TRAPPC6A: variants seen among roughly 807,000 people sequenced by gnomAD.
TRAPPC6A encodes TRAPP complex subunit 6A.
In TRAPPC6A, 25 loss-of-function variants were observed where a neutral mutation model predicts 20.8. That is an observed-to-expected ratio of 1.20 (90% CI 0.88 to 1.68). The LOEUF is 1.68. TRAPPC6A is among the 40% of genes most tolerant of loss of function. TRAPPC6A has a pLI of 0.00. For synonymous variants in TRAPPC6A, 96 were observed against 93.3 expected (o/e 1.03, Z -0.16); for missense variants, 215 against 211.6 (o/e 1.02, Z -0.10).
At chr19:45,176,760 G>A (rs922315980) in intron 1 of TRAPPC6A, among the ~76,000 whole-genome samples, 3 of 152,072 alleles carry the variant, frequency 2.0e-5, no homozygotes, top group East Asian at 3.9e-4. Context: ...ATGGCCAGGT[G>A]CGGTGGCTCA....
At position 45,173,533 on chromosome 19, in the gene TRAPPC6A, G is replaced by A. The variant is rs1012964428; in HGVS notation, c.84+4602C>T. Among the ~76,000 whole-genome samples the A allele has an allele frequency of 6.6e-6, 1 of 152,156 alleles. No individual in the cohort carries two copies. Among genetic ancestry groups the A allele is most frequent in the South Asian group, 2.1e-4 (1 of 4,830 alleles). ...CCTTTGAGTCTTGCTGAACCACCTC[G>A]AAATCCCTTCCTCTACCAAGCACAG... On this transcript the variant is annotated intron_variant, in intron 1 of 5. Coordinates refer to ENST00000585934, the MANE Select transcript of TRAPPC6A (RefSeq NM_001270891.2). This position sits in a 1 kb window ranked among gnomAD's most constrained non-coding sequence, Gnocchi z 4.8.
chr19:45,176,638 A>G (rs2122864835), intron 1 of TRAPPC6A, among the ~76,000 whole-genome samples: 1 of 152,152 alleles, frequency 6.6e-6, no homozygotes, highest in South Asian at 2.1e-4. Context: ...TTGATTTATG[A>G]TGTTTTAAAC....
At chr19:45,167,271 G>A (rs1452286762) in intron 1 of TRAPPC6A, among the ~76,000 whole-genome samples, 1 of 152,120 alleles carries the variant, frequency 6.6e-6, no homozygotes, top group African/African-American at 2.4e-5. Flanking sequence ...TGGAAACTAT[G>A]GCTTTAAGCA....
At chr19:45,164,342 G>C (rs1969094615) in intron 3 of TRAPPC6A, 95 bp from the exon 4 acceptor site, 1 of 813,110 alleles carries the variant, frequency 1.2e-6, no homozygotes, top group African/African-American at 1.7e-5. Context: ...ATTGGGCTGA[G>C]GTTGGGAAGG....
rs1331376609 is a variant in TRAPPC6A at position 45,172,988 on chromosome 19, G to A, written c.84+5147C>T. On this transcript the variant is annotated intron_variant, in intron 1 of 5. Transcript: ENST00000585934. This position sits in a 1 kb window ranked among gnomAD's most constrained non-coding sequence, Gnocchi z 4.2. ...CAGGGACCTATCTGACAGCCGCTCC[G>A]CCCGCCCCACACCCTCCTCAGATAA... Among the ~76,000 whole-genome samples the A allele has an allele frequency of 2.6e-5, 4 of 151,448 alleles. No individual in the cohort carries two copies. The highest frequency in any genetic ancestry group is 4.9e-5 in the African/African-American group (2 of 40,820).
chr19:45,169,058 C>G (rs1357194633), intron 1 of TRAPPC6A, among the ~76,000 whole-genome samples: 3 of 152,228 alleles, frequency 2.0e-5, no homozygotes, highest in African/African-American at 7.2e-5. Flanking sequence ...TCAGGCACAG[C>G]AGGGCCGGCC....
intron 4 of TRAPPC6A, 25 bp from the exon 5 acceptor site, chr19:45,164,034 T>C: frequency 1.3e-6 from 2 of 1,561,800 alleles, no homozygotes; most frequent in Non-Finnish European, 1.7e-6. Flanking sequence ...CAGACCAGCA[T>C]GGGAAGAGAG....
At chr19:45,167,640 G>A (rs1249723231) in intron 1 of TRAPPC6A, among the ~76,000 whole-genome samples, 3 of 152,160 alleles carry the variant, frequency 2.0e-5, no homozygotes, top group African/African-American at 7.2e-5. Context: ...GAGCCACCAC[G>A]CCCGGTTAAT....
chr19:45,165,676 T>G (rs889278443), intron 1 of TRAPPC6A, among the ~76,000 whole-genome samples: 3 of 152,108 alleles, frequency 2.0e-5, no homozygotes, highest in Non-Finnish European at 4.4e-5. Flanking sequence ...TCATCATGCC[T>G]TATAATATTG....
At position 45,163,453 on chromosome 19, in the gene TRAPPC6A, T is replaced by C. The variant is rs373394799; in HGVS notation, c.449-230A>G. ...CCGGCACGGGCTTCTGTGGTATGCA[T>C]TGCTCGGTCCTACCCCACGGGGGCC... On this transcript the variant is annotated intron_variant, in intron 5 of 5. Coordinates refer to ENST00000585934, the MANE Select transcript of TRAPPC6A (RefSeq NM_001270891.2). This position sits in a 1 kb window ranked among gnomAD's most constrained non-coding sequence, Gnocchi z 5.3. Among the ~76,000 whole-genome samples the C allele has an allele frequency of 4.6e-5, 7 of 152,180 alleles. No individual in the cohort carries two copies. In the South Asian group the frequency reaches 1.0e-3, roughly 23 times the overall value.
intron 1 of TRAPPC6A, among the ~76,000 whole-genome samples, chr19:45,171,299 C>CTCAAAGCAAA (rs1555749991): frequency 6.7e-6 from 1 of 149,836 alleles, no homozygotes. Flanking sequence ...GAGACTCAGT[C>CTCAAAGCAAA]ACAAAACAAA....
chr19:45,173,088 G>A lies in TRAPPC6A; in HGVS notation c.84+5047C>T, dbSNP rs1027714359. Among the ~76,000 whole-genome samples the A allele has an allele frequency of 2.6e-5, 4 of 151,668 alleles. No homozygotes were observed. The highest frequency in any genetic ancestry group is 4.4e-5 in the Non-Finnish European group (3 of 68,020). On this transcript the variant is annotated intron_variant, in intron 1 of 5. Transcript: ENST00000585934. The surrounding 1 kb of genome is among the most constrained non-coding windows in gnomAD (Gnocchi z 4.8). ...AGCAGGGCTATTCTCGGGGCGCCTC[G>A]GGCCTGGTCTCAGACAATGGGTGAC... is the stretch of plus-strand genomic sequence containing the variant.
At chr19:45,177,809 G>A (rs991970194) in intron 1 of TRAPPC6A, among the ~76,000 whole-genome samples, 3 of 152,152 alleles carry the variant, frequency 2.0e-5, no homozygotes, top group South Asian at 4.1e-4. Context: ...GACACACAAA[G>A]ATTAAGTCAT....
intron 2 of TRAPPC6A, 22 bp downstream of exon 2, chr19:45,165,105 G>C (rs1969120950): frequency 1.2e-6 from 2 of 1,612,546 alleles, no homozygotes; most frequent in Non-Finnish European, 1.7e-6. Context: ...GGCTGGGGGA[G>C]AGCAGGAGGG....
At chr19:45,165,642 G>C (rs1304747288) in intron 1 of TRAPPC6A, among the ~76,000 whole-genome samples, 1 of 152,198 alleles carries the variant, frequency 6.6e-6, no homozygotes, top group Non-Finnish European at 1.5e-5. Context: ...CCACAGGAAA[G>C]GGGGCTGTGG....
At chr19:45,169,215 G>C (rs971100983) in intron 1 of TRAPPC6A, among the ~76,000 whole-genome samples, 5 of 152,236 alleles carry the variant, frequency 3.3e-5, no homozygotes, top group Non-Finnish European at 5.9e-5. Flanking sequence ...CCTGGGTCCA[G>C]ATCCGCCCCA....
intron 1 of TRAPPC6A, 139 bp downstream of exon 1, chr19:45,177,996 G>A (rs1226839848): frequency 1.4e-6 from 2 of 1,473,320 alleles, no homozygotes; most frequent in Non-Finnish European, 9.0e-7. Context: ...CTTTCCAAAG[G>A]AGGAAGCCAG....
intron 1 of TRAPPC6A, among the ~76,000 whole-genome samples, chr19:45,166,458 C>T (rs973778517): frequency 5.3e-5 from 8 of 151,952 alleles, no homozygotes; most frequent in African/African-American, 2.4e-5. Context: ...ATCCGCCCGC[C>T]TTGGCCTCCC....
chr19:45,164,871 G>A lies in TRAPPC6A; in HGVS notation c.252C>T (p.Ser84=), dbSNP rs577512637. The change falls in exon 3 of 6, where the codon AGC becomes AGT. Residue 84 remains serine (S), a synonymous_variant. Coordinates refer to ENST00000585934, the MANE Select transcript of TRAPPC6A (RefSeq NM_001270891.2). ...WVAVFQKQMD[S]LRTNHQGTYV... is the part of the protein sequence containing the mutation. Reference sequence around the variant, plus strand: ...CTCCCACCTGGTGATTGGTGCGCAGGCTGTCCATCTGCTTCTGGAACACCG... The same window carrying A: ...CTCCCACCTGGTGATTGGTGCGCAGACTGTCCATCTGCTTCTGGAACACCG... 1 of 1,614,036 alleles carries A rather than the reference G, an allele frequency of 6.2e-7. No individual in the cohort carries two copies. The highest frequency in any genetic ancestry group is 1.1e-5 in the South Asian group (1 of 91,086).
Sources: gnomAD v4.1 joint callset for allele counts (sites outside exome capture counted in the v4.1 genomes callset) on GRCh38, gnomAD v4.1.1 for gene constraint, Gnocchi (gnomAD v3.1) non-coding constraint, MANE v1.5 for transcripts, NCBI Gene and HGNC (gene_info 2026-07-23, HGNC 2026-07-21) for gene names.